Variants in HS3ST4 observed in about 807,000 individuals in gnomAD.
The protein encoded by HS3ST4 is heparan sulfate glucosamine 3-O-sulfotransferase 4.
HS3ST4 carries 17 observed loss-of-function variants against 29.2 expected under a neutral mutation model. The ratio of observed to expected loss-of-function variants is 0.58; its 90% confidence interval spans 0.40 to 0.87. HS3ST4 has a LOEUF of 0.87. Ranked by LOEUF, HS3ST4 falls within the 40% of genes least tolerant of loss-of-function variation. The probability of loss-of-function intolerance (pLI) is 0.00; values close to 1 mark genes in which losing one functional copy is unlikely to be tolerated. For missense variants in HS3ST4, 627 were observed against 634.5 expected, an observed-to-expected ratio of 0.99 and a Z score of 0.13; for synonymous variants, 314 against 285.7, an observed-to-expected ratio of 1.10 and a Z score of -1.00.
chr16:25,952,164 A>G (rs780455817), intron 1 of HS3ST4, among the ~76,000 whole-genome samples: 7 of 152,210 alleles, frequency 4.6e-5, no homozygotes, highest in Non-Finnish European at 2.9e-5. Flanking sequence ...TGTAGCAGAG[A>G]CAGCATGAGT....
At chr16:26,106,984 G>A (rs369672129) in intron 1 of HS3ST4, among the ~76,000 whole-genome samples, 1 of 151,994 alleles carries the variant, frequency 6.6e-6, no homozygotes, top group Non-Finnish European at 1.5e-5. Context: ...TCTAGCCCTC[G>A]ACTATCTAGA....
At chr16:26,014,009 A>AATAAATAAATAAATAC (rs1969339132) in intron 1 of HS3ST4, among the ~76,000 whole-genome samples, 1 of 150,596 alleles carries the variant, frequency 6.6e-6, no homozygotes, top group Admixed American at 6.6e-5. Flanking sequence ...TCTGTCTCAA[A>AATAAATAAATAAATAC]ATAAATAAAT....
rs1555471412 is a variant in HS3ST4 at position 25,903,302 on chromosome 16, G to GTATATGTATATGTATATATTATATACA, written c.734+210154_734+210155insATGTATATGTATATATTATATACATAT. On this transcript the variant is annotated intron_variant, in intron 1 of 1. Transcript: ENST00000331351. ...TGTGTGTGTGTGTGTGTGTGTGTGT[G>GTATATGTATATGTATATATTATATACA]TATGTATATGTATATATTATATATA... Among the ~76,000 whole-genome samples the GTATATGTATATGTATATATTATATACA allele has an allele frequency of 2.6e-3, 269 of 103,466 alleles. 1 individual carries two copies. The highest frequency in any genetic ancestry group is 0.014 in the Middle Eastern group (3 of 216). The allele number at this position is 103,466 out of a possible 152,430, so 67.9% of individuals were successfully genotyped here. A position where few individuals can be genotyped will look rare whatever the true frequency, so the allele number is the denominator to read the frequency against.
At chr16:25,904,101 T>G (rs907268024) in intron 1 of HS3ST4, among the ~76,000 whole-genome samples, 2 of 135,736 alleles carry the variant, frequency 1.5e-5, no homozygotes, top group African/African-American at 5.6e-5. Context: ...GATGAATGAA[T>G]GGATGAATGG....
intron 1 of HS3ST4, among the ~76,000 whole-genome samples, chr16:25,730,257 C>G (rs926748622): frequency 1.3e-5 from 2 of 152,070 alleles, no homozygotes; most frequent in South Asian, 4.2e-4. Flanking sequence ...CCTGTTGGTA[C>G]TTTGAGCCTA....
At chr16:26,135,298 G>T (rs1238369624) in intron 1 of HS3ST4, among the ~76,000 whole-genome samples, 1 of 151,852 alleles carries the variant, frequency 6.6e-6, no homozygotes, top group Non-Finnish European at 1.5e-5. Flanking sequence ...TCTGTTTCAG[G>T]GATTATACAA....
intron 1 of HS3ST4, among the ~76,000 whole-genome samples, chr16:26,118,612 T>C (rs1418502221): frequency 2.0e-5 from 3 of 152,194 alleles, no homozygotes; most frequent in Admixed American, 1.3e-4. Context: ...TTAAAATTAA[T>C]AGCTACTTGT....
At chr16:25,841,374 A>G (rs1567252703) in intron 1 of HS3ST4, among the ~76,000 whole-genome samples, 1 of 152,042 alleles carries the variant, frequency 6.6e-6, no homozygotes, top group Non-Finnish European at 1.5e-5. Flanking sequence ...ATCATGGCTC[A>G]TTGCAGCCTC....
intron 1 of HS3ST4, among the ~76,000 whole-genome samples, chr16:25,857,224 A>G (rs1967582032): frequency 6.6e-6 from 1 of 152,082 alleles, no homozygotes; most frequent in Admixed American, 6.6e-5. Context: ...TGCCTCCAGG[A>G]GCTTCTTCTC....
At chr16:25,915,249 T>C (rs893266158) in intron 1 of HS3ST4, among the ~76,000 whole-genome samples, 2 of 152,114 alleles carry the variant, frequency 1.3e-5, no homozygotes, top group African/African-American at 4.8e-5. Context: ...ACTCCGGGCG[T>C]GGGTTCCACC....
intron 1 of HS3ST4, among the ~76,000 whole-genome samples, chr16:25,807,020 T>A (rs1315516464): frequency 6.6e-6 from 1 of 152,206 alleles, no homozygotes; most frequent in African/African-American, 2.4e-5. Context: ...TTGCTCAGGC[T>A]GGAGTGCAAT....
At position 26,136,231 on chromosome 16, in the gene HS3ST4, G is replaced by A. The variant is rs760401237; in HGVS notation, c.1354G>A (p.Glu452Lys). Residue 452 changes from glutamate to lysine, a missense_variant, in exon 2 of 2, where the codon GAA becomes AAA. Coordinates refer to ENST00000331351, the MANE Select transcript of HS3ST4 (RefSeq NM_006040.3). Reference sequence around the variant, plus strand: ...TGGTCAAGATTTTCAGTGGGAACAGGAAGAGGGTGATAAATGAGGCTAGAG... The same window carrying A: ...TGGTCAAGATTTTCAGTGGGAACAGAAAGAGGGTGATAAATGAGGCTAGAG... Reference protein sequence around the residue: ...MTGQDFQWEQEEGDK With the variant: ...MTGQDFQWEQKEGDK The A allele has an allele frequency of 6.2e-7, 1 of 1,612,628 alleles. No individual in the cohort carries two copies. The highest frequency in any genetic ancestry group is 1.1e-5 in the South Asian group (1 of 90,854).
At chr16:25,929,086 A>G (rs1477450751) in intron 1 of HS3ST4, among the ~76,000 whole-genome samples, 3 of 152,182 alleles carry the variant, frequency 2.0e-5, no homozygotes, top group African/African-American at 7.2e-5. Flanking sequence ...ACAGGTGAAG[A>G]AACTGAGTCT....
chr16:25,996,579 G>A (rs1969160916), intron 1 of HS3ST4, among the ~76,000 whole-genome samples: 1 of 151,946 alleles, frequency 6.6e-6, no homozygotes, highest in Admixed American at 6.6e-5. Context: ...ATACACAATT[G>A]TCTTATATTA....
chr16:25,894,868 T>G (rs1054662099), intron 1 of HS3ST4, among the ~76,000 whole-genome samples: 2 of 152,196 alleles, frequency 1.3e-5, no homozygotes, highest in African/African-American at 4.8e-5. Flanking sequence ...ATTCCATATT[T>G]ACCTCCACTA....
rs117955822 is a variant in HS3ST4, at chr16:25,900,017, G to A, written c.734+206866G>A. ...ATTCCTGGTTAAATAAATCATAAAT[G>A]TTCTCCTGCTTTGAGCCATTGTTAG... On this transcript the variant is annotated intron_variant, in intron 1 of 1. Coordinates refer to ENST00000331351, the MANE Select transcript of HS3ST4 (RefSeq NM_006040.3). Among the ~76,000 whole-genome samples, 1,200 of 152,306 alleles carry A rather than the reference G, an allele frequency of 7.9e-3. 36 individuals carry two copies. In the East Asian group the frequency reaches 0.099, roughly 13 times the overall value.
rs117640204 is a variant in HS3ST4 at position 25,894,266 on chromosome 16, A to G, written c.734+201115A>G. On this transcript the variant is annotated intron_variant, in intron 1 of 1. Transcript: ENST00000331351. ...TCCTAGTTTACAGGAGCAATTTCTT[A>G]GTTTAAGCCTGATTTGGCTGCAATA... Among the ~76,000 whole-genome samples, 651 of 152,234 alleles carry G rather than the reference A, an allele frequency of 4.3e-3. 18 individuals carry two copies. In the East Asian group the frequency reaches 0.072, roughly 17 times the overall value.
rs139226280 is a variant in HS3ST4, at chr16:25,881,239, G to C, written c.734+188088G>C. Among the ~76,000 whole-genome samples the C allele has an allele frequency of 8.6e-3, 1,306 of 152,248 alleles. 5 individuals carry two copies. The highest frequency in any genetic ancestry group is 0.015 in the Non-Finnish European group (1,005 of 68,024). On this transcript the variant is annotated intron_variant, in intron 1 of 1. Transcript: ENST00000331351. ...ACCAAGACATTCAACTTCATTTTGA[G>C]TATTTTCATAGCTTCCTTTTGGTTT...
At chr16:26,054,572 C>T (rs182230256) in intron 1 of HS3ST4, among the ~76,000 whole-genome samples, 1 of 152,120 alleles carries the variant, frequency 6.6e-6, no homozygotes, top group African/African-American at 2.4e-5. Flanking sequence ...GTCCGAAAAC[C>T]ATTGGTGCAA....
Sources: gnomAD v4.1 joint callset for allele counts (sites outside exome capture counted in the v4.1 genomes callset) on GRCh38, gnomAD v4.1.1 for gene constraint, MANE v1.5 for transcripts, NCBI Gene and HGNC (gene_info 2026-07-23, HGNC 2026-07-21) for gene names.